PTPRD: variants seen among roughly 807,000 people sequenced by gnomAD.
PTPRD encodes the protein protein tyrosine phosphatase receptor type D.
A neutral mutation model predicts 214.5 loss-of-function variants in PTPRD; 34 were observed. The observed-to-expected ratio is 0.16, with a 90% confidence interval of 0.12 to 0.21. PTPRD has a LOEUF of 0.21. PTPRD is among the 10% of genes least tolerant of loss of function. The pLI is 1.00. For synonymous variants in PTPRD, 1,128 were observed against 845.7 expected, an observed-to-expected ratio of 1.33 and a Z score of -5.79; for missense variants, 2,545 against 2,398.7, an observed-to-expected ratio of 1.06 and a Z score of -1.27.
At chr9:10,083,850 G>A (rs1349396745) in intron 3 of PTPRD, among the ~76,000 whole-genome samples, 1 of 151,966 alleles carries the variant, frequency 6.6e-6, no homozygotes, top group African/African-American at 2.4e-5. Flanking sequence ...CAGCTGATCT[G>A]ATAGGAGGTG....
chr9:8,483,175 T>A (rs1468720745), intron 30 of PTPRD, among the ~76,000 whole-genome samples: 1 of 152,252 alleles, frequency 6.6e-6, no homozygotes, highest in South Asian at 2.1e-4. Context: ...ATTGACTGGA[T>A]TTAATTTTCC....
At chr9:9,632,242 T>C (rs1023302642) in intron 7 of PTPRD, among the ~76,000 whole-genome samples, 85 of 152,266 alleles carry the variant, frequency 5.6e-4, no homozygotes, top group African/African-American at 2.0e-3. Context: ...ATGAATACAG[T>C]CCATGTTACA....
intron 14 of PTPRD, among the ~76,000 whole-genome samples, chr9:8,577,029 C>T (rs1359405730): frequency 6.6e-6 from 1 of 152,096 alleles, no homozygotes; most frequent in African/African-American, 2.4e-5. Flanking sequence ...AGCCAAGCTT[C>T]AAAACAGCAA....
Position 9,285,739 on chromosome 9 carries a change from G to A in PTPRD, c.-202-102376C>T, listed in dbSNP as rs1181890999. ...CCTCTTACGGAGTACTACTAAATGT[G>A]TTTCTTATGGCACTAACTTTGATCC... On this transcript the variant is annotated intron_variant, in intron 9 of 45. Transcript: ENST00000381196. Among the ~76,000 whole-genome samples the A allele has an allele frequency of 5.3e-5, 8 of 151,756 alleles. 1 individual carries two copies. Among genetic ancestry groups the A allele is most frequent in the African/African-American group, 1.7e-4 (7 of 41,450 alleles).
intron 14 of PTPRD, among the ~76,000 whole-genome samples, chr9:8,544,120 T>C (rs1358354069): frequency 6.6e-6 from 1 of 151,764 alleles, no homozygotes; most frequent in Non-Finnish European, 1.5e-5. Context: ...CTATTGGGTA[T>C]ATCACATGCA....
At chr9:9,375,207 CA>C (rs2060471647) in intron 9 of PTPRD, among the ~76,000 whole-genome samples, 1 of 152,142 alleles carries the variant, frequency 6.6e-6, no homozygotes, top group Non-Finnish European at 1.5e-5. Context: ...ATGTTCACAG[CA>C]GCATTATTCA....
chr9:8,360,092 G>C (rs1289478899), intron 39 of PTPRD, among the ~76,000 whole-genome samples: 2 of 152,092 alleles, frequency 1.3e-5, no homozygotes, highest in Non-Finnish European at 2.9e-5. Context: ...GTAATTCTTA[G>C]ATAAAATGAC....
chr9:10,440,217 T>G (rs2154523106), intron 2 of PTPRD, among the ~76,000 whole-genome samples: 1 of 151,824 alleles, frequency 6.6e-6, no homozygotes, highest in Middle Eastern at 3.4e-3. Flanking sequence ...AAACAGTTTT[T>G]GTTTGAAGCA....
chr9:9,014,071 T>G (rs901409664), intron 11 of PTPRD, among the ~76,000 whole-genome samples: 1 of 152,240 alleles, frequency 6.6e-6, no homozygotes, highest in Admixed American at 6.5e-5. Flanking sequence ...ACCATTTTTC[T>G]ATAATAAGTA....
chr9:10,300,290 C>T (rs1399529154), intron 3 of PTPRD, among the ~76,000 whole-genome samples: 2 of 152,158 alleles, frequency 1.3e-5, no homozygotes, highest in South Asian at 2.1e-4. Context: ...CCTCTGGTGC[C>T]TATGCCACCA....
chr9:8,360,153 T>C (rs2078112250), intron 39 of PTPRD, among the ~76,000 whole-genome samples: 1 of 152,218 alleles, frequency 6.6e-6, no homozygotes, highest in Non-Finnish European at 1.5e-5. Flanking sequence ...CCAAGTTAAT[T>C]ACTTTGGAAA....
chr9:8,812,756 T>C (rs1198596542), intron 11 of PTPRD, among the ~76,000 whole-genome samples: 1 of 151,670 alleles, frequency 6.6e-6, no homozygotes, highest in African/African-American at 2.4e-5. Context: ...TAATAAAATA[T>C]ACAAACTTTT....
At position 10,375,261 on chromosome 9, in the gene PTPRD, T is replaced by C. The variant is rs553164034; in HGVS notation, c.-599-34244A>G. 4.6e-5 allele frequency among the ~76,000 whole-genome samples: 7 copies of C among 152,174 alleles called. No homozygotes were observed. The South Asian group carries it at 1.2e-3, about 27-fold the overall frequency. ...ACCAAGGTGATTTGTATGCTTAAAA[T>C]TATATACAGAATGCTTTGGGGGATA... On this transcript the variant is annotated intron_variant, in intron 2 of 45. Coordinates refer to ENST00000381196, the MANE Select transcript of PTPRD (RefSeq NM_002839.4).
intron 14 of PTPRD, among the ~76,000 whole-genome samples, chr9:8,628,020 C>T (rs1000066440): frequency 6.6e-6 from 1 of 151,830 alleles, no homozygotes; most frequent in South Asian, 2.1e-4. Flanking sequence ...TCAGTCAGTA[C>T]CATAATTGTC....
intron 11 of PTPRD, among the ~76,000 whole-genome samples, chr9:8,830,600 C>A (rs1449954988): frequency 1.3e-5 from 2 of 152,042 alleles, no homozygotes; most frequent in African/African-American, 4.8e-5. Flanking sequence ...TCAACTCCCC[C>A]CAGTGAGGAG....
intron 6 of PTPRD, among the ~76,000 whole-genome samples, chr9:9,736,957 T>G (rs1481343633): frequency 6.6e-6 from 1 of 152,070 alleles, no homozygotes; most frequent in African/African-American, 2.4e-5. Flanking sequence ...TTGAATCATC[T>G]TTACTTATGT....
chr9:9,346,051 G>T (rs1233573470), intron 9 of PTPRD, among the ~76,000 whole-genome samples: 1 of 152,062 alleles, frequency 6.6e-6, no homozygotes, highest in Admixed American at 6.6e-5. Flanking sequence ...TAGAATAGGG[G>T]CCGTGTTCTG....
chr9:8,670,024 T>A lies in PTPRD; in HGVS notation c.65-33180A>T, dbSNP rs78751154. On this transcript the variant is annotated intron_variant, in intron 12 of 45. Transcript: ENST00000381196. ...GGGGTCGGTGTTTTCTGCCTCTTTT[T>A]TTTTTTTTAATTCATCAAGTAAGAC... 3.9e-5 allele frequency among the ~76,000 whole-genome samples: 5 copies of A among 129,390 alleles called. No homozygotes were observed. The South Asian group carries it at 8.3e-4, about 21-fold the overall frequency. The allele number at this position is 129,390 out of a possible 152,430, so 84.9% of individuals were successfully genotyped here.
At chr9:10,110,221 A>G (rs1310741075) in intron 3 of PTPRD, among the ~76,000 whole-genome samples, 1 of 152,178 alleles carries the variant, frequency 6.6e-6, no homozygotes, top group East Asian at 1.9e-4. Flanking sequence ...CACTAAATCA[A>G]ATTATGAAGT....
Sources: gnomAD v4.1 joint callset for allele counts (sites outside exome capture counted in the v4.1 genomes callset) on GRCh38, gnomAD v4.1.1 for gene constraint, MANE v1.5 for transcripts, NCBI Gene and HGNC (gene_info 2026-07-23, HGNC 2026-07-21) for gene names.